RPSA2: variants seen among roughly 807,000 people sequenced by gnomAD.
RPSA2 encodes the protein ribosomal protein SA 2.
At chr19:23,812,462 C>T in the RPSA2 span, among the ~76,000 whole-genome samples, 5 of 137,156 alleles carry the variant, frequency 3.6e-5, no homozygotes, top group Admixed American at 2.5e-4. Context: ...AATGCAGTAT[C>T]TCGGCTCACT....
chr19:23,805,128 CACACACACACACACACA>C, the RPSA2 span, among the ~76,000 whole-genome samples: 1 of 326 alleles, frequency 3.1e-3, no homozygotes, highest in Non-Finnish European at 0.01. Context: ...AAAGCACACA[CACACACACACACACACA>C]CACACACACA....
At chr19:23,776,074 G>T in the RPSA2 span, among the ~76,000 whole-genome samples, 1 of 152,154 alleles carries the variant, frequency 6.6e-6, no homozygotes, top group Admixed American at 6.5e-5. Flanking sequence ...AAAAGACATT[G>T]TAGTATATCT....
chr19:23,796,976 T>C, the RPSA2 span, among the ~76,000 whole-genome samples: 1 of 152,032 alleles, frequency 6.6e-6, no homozygotes, highest in Non-Finnish European at 1.5e-5. Flanking sequence ...CATTCTTTTA[T>C]TTATGATGTC....
the RPSA2 span, chr19:23,842,539 T>C: frequency 2.0e-5 from 3 of 152,826 alleles, no homozygotes; most frequent in South Asian, 2.1e-4. Context: ...TGTGTTTTTT[T>C]TTTTTTTAGG....
the RPSA2 span, among the ~76,000 whole-genome samples, chr19:23,824,921 A>C: frequency 6.6e-6 from 1 of 150,528 alleles, no homozygotes; most frequent in Non-Finnish European, 1.5e-5. Flanking sequence ...TTCTTCTAAG[A>C]TTTCCTAAAT....
chr19:23,798,773 A>G, the RPSA2 span, among the ~76,000 whole-genome samples: 1 of 152,202 alleles, frequency 6.6e-6, no homozygotes, highest in African/African-American at 2.4e-5. Flanking sequence ...CATAATTTCA[A>G]TGTCTTTCAT....
At chr19:23,773,484 A>G in the RPSA2 span, among the ~76,000 whole-genome samples, 1 of 151,966 alleles carries the variant, frequency 6.6e-6, no homozygotes, top group African/African-American at 2.4e-5. Context: ...GAGTTTCACC[A>G]TGTTCACCAG....
the RPSA2 span, among the ~76,000 whole-genome samples, chr19:23,798,372 G>A: frequency 6.6e-6 from 1 of 152,162 alleles, no homozygotes; most frequent in Non-Finnish European, 1.5e-5. Context: ...AAACTGAACA[G>A]TGGAGTATAT....
the RPSA2 span, among the ~76,000 whole-genome samples, chr19:23,849,570 G>A: frequency 6.6e-6 from 1 of 152,246 alleles, no homozygotes; most frequent in South Asian, 2.1e-4. Context: ...ACAGAATGGG[G>A]AATATCATAC....
the RPSA2 span, among the ~76,000 whole-genome samples, chr19:23,770,774 A>G: frequency 6.6e-6 from 1 of 151,882 alleles, no homozygotes; most frequent in Non-Finnish European, 1.5e-5. Flanking sequence ...TCAGGGGGAG[A>G]TTTTAACATA....
At chr19:23,785,420 G>C in the RPSA2 span, among the ~76,000 whole-genome samples, 1 of 151,994 alleles carries the variant, frequency 6.6e-6, no homozygotes, top group African/African-American at 2.4e-5. Context: ...CAGTCACCTA[G>C]GAGATGTGAC....
the RPSA2 span, among the ~76,000 whole-genome samples, chr19:23,848,401 G>A: frequency 6.6e-6 from 1 of 152,082 alleles, no homozygotes; most frequent in African/African-American, 2.4e-5. Flanking sequence ...CGATTAAACA[G>A]ATAATCATAA....
chr19:23,864,784 GTAAAT>G, the RPSA2 span, among the ~76,000 whole-genome samples: 1 of 152,126 alleles, frequency 6.6e-6, no homozygotes, highest in Non-Finnish European at 1.5e-5. Context: ...TATTTGTAGA[GTAAAT>G]TAAGATTTAA....
At chr19:23,815,069 CTT>C in the RPSA2 span, among the ~76,000 whole-genome samples, 1 of 152,142 alleles carries the variant, frequency 6.6e-6, no homozygotes, top group Non-Finnish European at 1.5e-5. Flanking sequence ...TGGCCTCAAA[CTT>C]TTAACTCCAA....
At chr19:23,866,851 C>A in the RPSA2 span, among the ~76,000 whole-genome samples, 1 of 152,142 alleles carries the variant, frequency 6.6e-6, no homozygotes, top group African/African-American at 2.4e-5. Flanking sequence ...GGGACATTTG[C>A]CAGCAGAATA....
At chr19:23,773,159 C>G in the RPSA2 span, among the ~76,000 whole-genome samples, 2 of 150,836 alleles carry the variant, frequency 1.3e-5, no homozygotes, top group African/African-American at 4.9e-5. Flanking sequence ...TGCAGTGGCA[C>G]GATCTCAGCT....
At chr19:23,842,935 T>C in the RPSA2 span, among the ~76,000 whole-genome samples, 1 of 152,190 alleles carries the variant, frequency 6.6e-6, no homozygotes, top group Admixed American at 6.5e-5. Context: ...TTAAATATTA[T>C]TGCCCAAATA....
chr19:23,811,575 C>T, the RPSA2 span, among the ~76,000 whole-genome samples: 2 of 151,364 alleles, frequency 1.3e-5, no homozygotes, highest in African/African-American at 4.9e-5. Flanking sequence ...TTATTTTCTA[C>T]TTTAAATTTG....
the RPSA2 span, among the ~76,000 whole-genome samples, chr19:23,830,767 A>AT: frequency 6.6e-6 from 1 of 151,444 alleles, no homozygotes; most frequent in Non-Finnish European, 1.5e-5. Flanking sequence ...TATACCTCTG[A>AT]TTTTTTTTAT....
Sources: gnomAD v4.1 joint callset for allele counts (sites outside exome capture counted in the v4.1 genomes callset) on GRCh38, gnomAD v4.1.1 for gene constraint, MANE v1.5 for transcripts, NCBI Gene and HGNC (gene_info 2026-07-23, HGNC 2026-07-21) for gene names.